HTR1F: variants seen among roughly 807,000 people sequenced by gnomAD.
HTR1F encodes 5-hydroxytryptamine (serotonin) receptor 1F, G protein-coupled.
HTR1F carries 17 observed loss-of-function variants against 24.0 expected under a neutral mutation model. That is an observed-to-expected ratio of 0.71 (90% CI 0.48 to 1.06). HTR1F has a LOEUF of 1.06. Among genes scored for constraint, HTR1F ranks in the 50% least tolerant of loss-of-function variants. The pLI is 0.00. For synonymous variants in HTR1F, 186 were observed against 156.8 expected, an observed-to-expected ratio of 1.19 and a Z score of -1.39; for missense variants, 391 against 427.8, an observed-to-expected ratio of 0.91 and a Z score of 0.76.
At chr3:87,896,996 T>A (rs1025374964) in intron 2 of HTR1F, among the ~76,000 whole-genome samples, 5 of 152,056 alleles carry the variant, frequency 3.3e-5, no homozygotes, top group Non-Finnish European at 5.9e-5. Context: ...CAAAATAATA[T>A]GAATGTTCCT....
intron 2 of HTR1F, among the ~76,000 whole-genome samples, chr3:87,867,370 T>C (rs1705452679): frequency 6.6e-6 from 1 of 151,838 alleles, no homozygotes; most frequent in Admixed American, 6.6e-5. Context: ...TCTCTCTCTC[T>C]CTCTCATATA....
chr3:87,931,554 G>T (rs923930316), intron 2 of HTR1F, among the ~76,000 whole-genome samples: 1 of 152,134 alleles, frequency 6.6e-6, no homozygotes, highest in Non-Finnish European at 1.5e-5. Flanking sequence ...AGTCCATTGG[G>T]TATATACCCA....
Position 87,987,112 on chromosome 3 carries a change from AT to A in HTR1F, c.-42-3595del, listed in dbSNP as rs1156512196. On this transcript the variant is annotated intron_variant, in intron 2 of 2. Coordinates refer to ENST00000319595, the MANE Select transcript of HTR1F (RefSeq NM_001322209.2). ...CAGAGTGAGACTCTGTCTCAAAAAA[AT>A]AAAATAAAAATAAAATAAAATAAAA... 6.9e-3 allele frequency among the ~76,000 whole-genome samples: 775 copies of A among 112,596 alleles called. 7 individuals are homozygous for A. The highest frequency in any genetic ancestry group is 0.024 in the Middle Eastern group (5 of 212). The allele number at this position is 112,596 out of a possible 152,430, so 73.9% of individuals were successfully genotyped here.
chr3:87,794,049 A>G (rs187279035), intron 1 of HTR1F, among the ~76,000 whole-genome samples: 24 of 151,830 alleles, frequency 1.6e-4, no homozygotes, highest in African/African-American at 5.8e-4. Context: ...CTATTTACAT[A>G]CAAGTCTTTG....
At chr3:87,803,407 C>G (rs1192911357) in intron 1 of HTR1F, among the ~76,000 whole-genome samples, 3 of 152,062 alleles carry the variant, frequency 2.0e-5, no homozygotes, top group African/African-American at 7.2e-5. Flanking sequence ...GGTGCAACAT[C>G]TCATTGAACA....
intron 2 of HTR1F, among the ~76,000 whole-genome samples, chr3:87,937,080 A>ACC (rs201951343): frequency 2.6e-5 from 3 of 116,790 alleles, no homozygotes; most frequent in Non-Finnish European, 1.8e-5. Context: ...TGTTGAAACT[A>ACC]CCCAAAAAAA....
chr3:87,805,145 C>G (rs1704052700), intron 1 of HTR1F, among the ~76,000 whole-genome samples: 1 of 151,780 alleles, frequency 6.6e-6, no homozygotes, highest in Non-Finnish European at 1.5e-5. Context: ...TGGCAGCAAG[C>G]CTACATTGCT....
intron 1 of HTR1F, among the ~76,000 whole-genome samples, chr3:87,810,578 G>A (rs948066155): frequency 6.6e-6 from 1 of 152,024 alleles, no homozygotes; most frequent in African/African-American, 2.4e-5. Context: ...TTTTGAAGGA[G>A]GTGAAATTTA....
chr3:87,853,418 G>C (rs900202673), intron 2 of HTR1F, among the ~76,000 whole-genome samples: 18 of 152,052 alleles, frequency 1.2e-4, no homozygotes, highest in African/African-American at 4.3e-4. Context: ...TTTTATAGCT[G>C]CATAGTATTC....
chr3:87,901,722 T>A (rs933302465), intron 2 of HTR1F, among the ~76,000 whole-genome samples: 4 of 151,746 alleles, frequency 2.6e-5, no homozygotes, highest in African/African-American at 4.8e-5. Context: ...GAAAAAAAAA[T>A]GGTCTCTACT....
At chr3:87,924,167 C>T (rs557884166) in intron 2 of HTR1F, among the ~76,000 whole-genome samples, 1 of 151,986 alleles carries the variant, frequency 6.6e-6, no homozygotes, top group Non-Finnish European at 1.5e-5. Context: ...GATTCAATCT[C>T]ATTACATGTT....
intron 2 of HTR1F, among the ~76,000 whole-genome samples, chr3:87,934,373 C>G (rs1179204682): frequency 6.6e-6 from 1 of 152,148 alleles, no homozygotes; most frequent in Non-Finnish European, 1.5e-5. Flanking sequence ...TTCCAACAGT[C>G]CATATCTATG....
intron 2 of HTR1F, among the ~76,000 whole-genome samples, chr3:87,915,870 C>G (rs951294945): frequency 6.6e-6 from 1 of 152,086 alleles, no homozygotes; most frequent in Non-Finnish European, 1.5e-5. Flanking sequence ...CTGGAAAACT[C>G]ATCGCAAAAA....
chr3:87,960,804 C>T (rs566828549), intron 2 of HTR1F, among the ~76,000 whole-genome samples: 2 of 151,864 alleles, frequency 1.3e-5, no homozygotes, highest in African/African-American at 2.4e-5. Context: ...CAGAGTGAGT[C>T]GTTTGAAATC....
intron 2 of HTR1F, among the ~76,000 whole-genome samples, chr3:87,883,736 GGAT>G (rs1705866487): frequency 6.6e-6 from 1 of 152,066 alleles, no homozygotes; most frequent in African/African-American, 2.4e-5. Flanking sequence ...GTGGAAGAAA[GGAT>G]ATCAGTGATT....
rs1705879226 is a variant in HTR1F, at chr3:87,993,411, ATAGAAAAGAGCAAAC to A, written c.*1564_*1578del. 1 of 166,930 alleles carries A rather than the reference ATAGAAAAGAGCAAAC, an allele frequency of 6.0e-6. No individual in the cohort carries two copies. Among genetic ancestry groups the A allele is most frequent in the African/African-American group, 2.4e-5 (1 of 41,438 alleles). 10.3% of individuals were successfully genotyped at this position (166,930 alleles called of 1,614,324 possible). A position where few individuals can be genotyped will look rare whatever the true frequency, so the allele number is the denominator to read the frequency against. On this transcript the variant is annotated 3_prime_UTR_variant, in exon 3 of 3. Transcript: ENST00000319595. Reference sequence around the variant, plus strand: ...AGAAACAAGAAAAAATAAAACTATAATAGAAAAGAGCAAACTAAAATCTGGCATGGAAGTTGTTTA... The same window carrying A: ...AGAAACAAGAAAAAATAAAACTATAATAAAATCTGGCATGGAAGTTGTTTA...
chr3:87,930,556 G>C (rs989612224), intron 2 of HTR1F, among the ~76,000 whole-genome samples: 1 of 152,098 alleles, frequency 6.6e-6, no homozygotes, highest in Non-Finnish European at 1.5e-5. Flanking sequence ...TATGGTTTTT[G>C]TTTTTAGTTC....
intron 1 of HTR1F, among the ~76,000 whole-genome samples, chr3:87,819,798 A>T (rs1704319867): frequency 6.6e-6 from 1 of 152,044 alleles, no homozygotes; most frequent in South Asian, 2.1e-4. Flanking sequence ...TATATTATAA[A>T]TTTCCCAAAA....
In HTR1F at chr3:87,990,770, T is replaced by A. The variant is rs1441380028; in HGVS notation, c.21T>A (p.Ser7=). MDFLNS[S]DQNLTSEELL... ...AGAAAATGGATTTCTTAAATTCATCTGATCAAAACTTGACCTCAGAGGAAC... is the reference window on the plus strand; with the variant it reads ...AGAAAATGGATTTCTTAAATTCATCAGATCAAAACTTGACCTCAGAGGAAC... Residue 7 remains serine, a synonymous_variant, in exon 3 of 3, where the codon TCT becomes TCA. Coordinates refer to ENST00000319595, the MANE Select transcript of HTR1F (RefSeq NM_001322209.2). 10 of 1,610,870 alleles carry A rather than the reference T, an allele frequency of 6.2e-6. No homozygotes were observed. Among genetic ancestry groups the A allele is most frequent in the Non-Finnish European group, 7.6e-6 (9 of 1,177,450 alleles).
Sources: allele counts gnomAD v4.1 joint callset (sites outside exome capture counted in the v4.1 genomes callset), GRCh38; gene constraint gnomAD v4.1.1; transcripts MANE v1.5; gene names NCBI Gene and HGNC (gene_info 2026-07-23, HGNC 2026-07-21).